ADAM23: variants seen among roughly 807,000 people sequenced by gnomAD.
ADAM23 encodes disintegrin and metalloproteinase domain-containing protein 23.
A neutral mutation model predicts 120.1 loss-of-function variants in ADAM23; 33 were observed. The observed-to-expected ratio is 0.27, with a 90% CI of 0.21 to 0.37. ADAM23 has a LOEUF of 0.37. Among genes scored for constraint, ADAM23 ranks in the 10% least tolerant of loss-of-function variants. ADAM23 has a pLI of 1.00. For synonymous variants in ADAM23, 367 were observed against 375.2 expected (o/e 0.98, Z 0.25); for missense variants, 862 against 1,058.2 (o/e 0.81, Z 2.57).
chr2:206,464,378 C>T (rs1273124771), intron 2 of ADAM23, among the ~76,000 whole-genome samples: 1 of 152,132 alleles, frequency 6.6e-6, no homozygotes, highest in South Asian at 2.1e-4. Context: ...AGTTTGAGAC[C>T]AGCCTGGCCA....
At chr2:206,578,731 T>C (rs1048308480) in intron 18 of ADAM23, among the ~76,000 whole-genome samples, 2 of 152,146 alleles carry the variant, frequency 1.3e-5, no homozygotes, top group Non-Finnish European at 2.9e-5. Flanking sequence ...TTTTGAATAA[T>C]GACGTCTTTT....
Position 206,594,994 on chromosome 2 carries a change from A to G in ADAM23, c.2247+89A>G. 3.3e-6 allele frequency: 5 copies of G among 1,501,564 alleles called. No individual in the cohort carries two copies. In the South Asian group the frequency reaches 6.3e-5, roughly 19 times the overall value. The allele number at this position is 1,501,564 out of a possible 1,614,324, so 93.0% of individuals were successfully genotyped here. ...TTTAATTTCAGCCATTCTCCTAGCC[A>G]ACATGGTGAAACACCATCTCTACTA... On this transcript the variant is annotated intron_variant, in intron 23 of 25. Coordinates refer to ENST00000264377, the MANE Select transcript of ADAM23 (RefSeq NM_003812.4).
At position 206,598,346 on chromosome 2, in the gene ADAM23, C is replaced by A. The variant is rs561077693; in HGVS notation, c.2359+2184C>A. Among the ~76,000 whole-genome samples, 168 of 152,092 alleles carry A rather than the reference C, an allele frequency of 1.1e-3. 1 individual carries two copies. Among genetic ancestry groups the A allele is most frequent in the African/African-American group, 3.9e-3 (163 of 41,496 alleles). On this transcript the variant is annotated intron_variant, in intron 24 of 25. Transcript: ENST00000264377. ...GTAGGGGGTTATTAATTGTCTGGTT[C>A]TGTAATATCTATTCCCTGTTCCTTC...
chr2:206,480,557 A>G (rs910934676), intron 2 of ADAM23, among the ~76,000 whole-genome samples: 1 of 151,946 alleles, frequency 6.6e-6, no homozygotes, highest in African/African-American at 2.4e-5. Context: ...TGCAATATTC[A>G]AGATGCTTCT....
intron 3 of ADAM23, among the ~76,000 whole-genome samples, chr2:206,504,743 C>T (rs925084918): frequency 1.3e-5 from 2 of 152,158 alleles, no homozygotes; most frequent in South Asian, 4.1e-4. Context: ...ACACTTTTGT[C>T]CAGGGTCCCC....
At chr2:206,605,889 C>A in intron 24 of ADAM23, 1 of 662,298 alleles carries the variant, frequency 1.5e-6, no homozygotes, top group East Asian at 2.8e-5. Flanking sequence ...GAGTAAGCAT[C>A]CTTGCCAGTT....
intron 24 of ADAM23, chr2:206,608,046 AT>A: frequency 2.4e-6 from 1 of 411,478 alleles, no homozygotes; most frequent in South Asian, 1.8e-5. Context: ...TTGTTTTGAA[AT>A]TTGATTCTCT....
chr2:206,474,620 G>T (rs1453430251), intron 2 of ADAM23, among the ~76,000 whole-genome samples: 4 of 152,090 alleles, frequency 2.6e-5, no homozygotes, highest in African/African-American at 9.7e-5. Flanking sequence ...CTGTCACCCA[G>T]ACTGAGTGCA....
intron 17 of ADAM23, 147 bp downstream of exon 17, chr2:206,571,963 C>T: frequency 1.6e-6 from 1 of 628,158 alleles, no homozygotes; most frequent in Non-Finnish European, 2.7e-6. Flanking sequence ...ATCGATAAAT[C>T]TCAAATTCTG....
chr2:206,613,148 C>T (rs1475313875), intron 25 of ADAM23, among the ~76,000 whole-genome samples: 1 of 152,164 alleles, frequency 6.6e-6, no homozygotes, highest in Non-Finnish European at 1.5e-5. Flanking sequence ...CAACCTCCGC[C>T]TCCCAGGTTC....
chr2:206,490,725 G>C (rs1199572279), intron 3 of ADAM23, among the ~76,000 whole-genome samples: 1 of 152,084 alleles, frequency 6.6e-6, no homozygotes, highest in African/African-American at 2.4e-5. Context: ...ACCCTTTCCT[G>C]TCTGCTTCTA....
intron 24 of ADAM23, among the ~76,000 whole-genome samples, chr2:206,597,783 T>A (rs1420844620): frequency 6.6e-6 from 1 of 152,134 alleles, no homozygotes; most frequent in Non-Finnish European, 1.5e-5. Context: ...ATCAGCTTAG[T>A]TTTGGATGAA....
intron 10 of ADAM23, among the ~76,000 whole-genome samples, chr2:206,559,426 T>C (rs953856645): frequency 1.3e-5 from 2 of 152,162 alleles, no homozygotes; most frequent in Non-Finnish European, 2.9e-5. Flanking sequence ...GATCTGCTCT[T>C]TTTTAGCCTC....
At chr2:206,549,989 C>A in intron 8 of ADAM23, 106 bp from the exon 9 acceptor site, 1 of 588,978 alleles carries the variant, frequency 1.7e-6, no homozygotes, top group Non-Finnish European at 2.8e-6. Flanking sequence ...AAGTAGGCAG[C>A]AGAGAGTTGT....
chr2:206,588,715 A>G (rs1453033662), intron 20 of ADAM23, among the ~76,000 whole-genome samples: 1 of 152,130 alleles, frequency 6.6e-6, no homozygotes, highest in Non-Finnish European at 1.5e-5. Flanking sequence ...CTCCAATAAT[A>G]TCAGTTCATG....
At chr2:206,615,608 A>T (rs1403363936) in intron 25 of ADAM23, among the ~76,000 whole-genome samples, 1 of 152,140 alleles carries the variant, frequency 6.6e-6, no homozygotes, top group Admixed American at 6.5e-5. Context: ...CCCTGCTGGG[A>T]CATCAGTGGA....
At chr2:206,568,515 A>G (rs1443571891) in intron 15 of ADAM23, among the ~76,000 whole-genome samples, 1 of 152,234 alleles carries the variant, frequency 6.6e-6, no homozygotes. Context: ...ATTATATAGA[A>G]TATGGTAAAT....
At chr2:206,579,959 ATT>A (rs910268742) in intron 18 of ADAM23, among the ~76,000 whole-genome samples, 2 of 144,190 alleles carry the variant, frequency 1.4e-5, no homozygotes, top group Non-Finnish European at 3.1e-5. Context: ...ATTCCTAAGT[ATT>A]TTTTTTTTTT....
At chr2:206,591,853 T>C (rs907148996) in intron 21 of ADAM23, among the ~76,000 whole-genome samples, 1 of 152,232 alleles carries the variant, frequency 6.6e-6, no homozygotes, top group African/African-American at 2.4e-5. Flanking sequence ...CTGGTGGGTG[T>C]GACCTGCTAT....
Sources: gnomAD v4.1 joint callset for allele counts (sites outside exome capture counted in the v4.1 genomes callset) on GRCh38, gnomAD v4.1.1 for gene constraint, MANE v1.5 for transcripts, NCBI Gene and HGNC (gene_info 2026-07-23, HGNC 2026-07-21) for gene names.